Variants in ANK3 observed in about 807,000 individuals in gnomAD.
ANK3 encodes ankyrin 3.
A neutral mutation model predicts 370.9 loss-of-function variants in ANK3; 57 were observed. The ratio of observed to expected loss-of-function variants is 0.15; its 90% confidence interval spans 0.12 to 0.19. The LOEUF is 0.19. Ranked by LOEUF, ANK3 falls within the 10% of genes least tolerant of loss-of-function variation. The pLI, the probability that ANK3 is intolerant of heterozygous loss-of-function variation, is 1.00. For synonymous variants in ANK3, 1,929 were observed against 1,946.3 expected (o/e 0.99, Z 0.23); for missense variants, 4,439 against 5,302.1 (o/e 0.84, Z 5.06).
chr10:60,053,308 GGAA>G (rs1172157214), intron 42 of ANK3, among the ~76,000 whole-genome samples: 1 of 152,140 alleles, frequency 6.6e-6, no homozygotes, highest in Non-Finnish European at 1.5e-5. Flanking sequence ...ATCTGTACAT[GGAA>G]TCATAAGTTG....
chr10:60,481,929 C>T (rs894786877), intron 2 of ANK3, among the ~76,000 whole-genome samples: 2 of 152,174 alleles, frequency 1.3e-5, no homozygotes, highest in African/African-American at 2.4e-5. Context: ...AGTACACACT[C>T]CCTGAGCGAT....
At chr10:60,081,737 A>G (rs550853195) in intron 35 of ANK3, 15 of 290,996 alleles carry the variant, frequency 5.2e-5, no homozygotes, top group Non-Finnish European at 8.8e-5. Context: ...CAAAATGTCT[A>G]TTTGGCGGGT....
chr10:60,213,980 A>G (rs956776860), intron 8 of ANK3, among the ~76,000 whole-genome samples: 4 of 152,034 alleles, frequency 2.6e-5, no homozygotes, highest in Admixed American at 6.6e-5. Context: ...ATGAAATTAT[A>G]TAAGTTTAAA....
intron 42 of ANK3, among the ~76,000 whole-genome samples, chr10:60,045,834 A>C (rs1000861275): frequency 6.6e-6 from 1 of 152,244 alleles, no homozygotes; most frequent in Non-Finnish European, 1.5e-5. Flanking sequence ...CATATGTCAC[A>C]ATCAGTAGAA....
chr10:60,389,816 C>T lies in ANK3; in HGVS notation c.-278G>A. ...GCATTTACCGTAGTGAAGAAGACAG[C>T]TGGGACAGAGGAAGCTGTATTATGG... On this transcript the variant is annotated 5_prime_UTR_variant, in exon 1 of 44. Coordinates refer to ENST00000280772, the MANE Select transcript of ANK3 (RefSeq NM_020987.5). 2 of 1,210,888 alleles carry T rather than the reference C, an allele frequency of 1.7e-6. No individual in the cohort carries two copies. The highest frequency in any genetic ancestry group is 2.1e-6 in the Non-Finnish European group (2 of 970,196). 75.0% of individuals were successfully genotyped at this position (1,210,888 alleles called of 1,614,324 possible).
intron 1 of ANK3, among the ~76,000 whole-genome samples, chr10:60,293,699 A>G (rs1160167746): frequency 6.6e-6 from 1 of 152,194 alleles, no homozygotes; most frequent in Non-Finnish European, 1.5e-5. Context: ...ATAAAATGAA[A>G]CGAGATAGTA....
intron 1 of ANK3, among the ~76,000 whole-genome samples, chr10:60,344,774 A>AT (rs1351048082): frequency 6.6e-6 from 1 of 152,238 alleles, no homozygotes. Context: ...TACTTCACTT[A>AT]TTTTGTAGCC....
At chr10:60,546,452 C>T (rs546554104) in intron 2 of ANK3, among the ~76,000 whole-genome samples, 83 of 152,222 alleles carry the variant, frequency 5.5e-4, no homozygotes, top group Middle Eastern at 3.4e-3. Context: ...GAATTTACAG[C>T]TTATCACTGA....
chr10:60,437,432 AG>A (rs1010417085), intron 2 of ANK3, among the ~76,000 whole-genome samples: 3 of 152,232 alleles, frequency 2.0e-5, no homozygotes, highest in Non-Finnish European at 4.4e-5. Flanking sequence ...GCTGTCATGT[AG>A]GGGAACCCTG....
chr10:60,028,062 TG>T lies in ANK3; in HGVS notation c.*1783del, dbSNP rs564906805. ...TAAAACAAAACAAAAACAAGCTCTG[TG>T]GGCTAAAAGCAACTGCATGTTGATG... On this transcript the variant is annotated 3_prime_UTR_variant, in exon 44 of 44. Transcript: ENST00000280772. 2.2e-4 allele frequency: 33 copies of T among 152,364 alleles called. No individual in the cohort carries two copies. The highest frequency in any genetic ancestry group is 7.2e-4 in the African/African-American group (30 of 41,598). 9.4% of individuals were successfully genotyped at this position (152,364 alleles called of 1,614,324 possible).
chr10:60,072,386 T>G lies in ANK3; in HGVS notation c.8495A>C (p.Asp2832Ala). The change falls in exon 37 of 44, where the codon GAC becomes GCC. Residue 2832 changes from aspartate (D) to alanine (A), a missense_variant. Asp to Ala is a moderately radical substitution (Grantham distance 126). Coordinates refer to ENST00000280772, the MANE Select transcript of ANK3 (RefSeq NM_020987.5). ...PDSFSEQQAKDLACHITSDLA... is the reference protein window; with the variant it reads ...PDSFSEQQAKALACHITSDLA... ...ATCTGAGGTTATATGACATGCCAAG[T>G]CTTTAGCCTGCTGCTCAGAAAAAGA... 6.2e-7 allele frequency: 1 copy of G among 1,614,012 alleles called. No individual in the cohort carries two copies. Among genetic ancestry groups the G allele is most frequent in the Non-Finnish European group, 8.5e-7 (1 of 1,179,990 alleles).
At chr10:60,715,430 G>C (rs1403565046) in intron 1 of ANK3, among the ~76,000 whole-genome samples, 3 of 152,062 alleles carry the variant, frequency 2.0e-5, no homozygotes, top group Non-Finnish European at 4.4e-5. Flanking sequence ...ATATCTGGTG[G>C]TGGGATAAAC....
chr10:60,156,715 C>A (rs1338299401), intron 23 of ANK3, among the ~76,000 whole-genome samples: 1 of 152,148 alleles, frequency 6.6e-6, no homozygotes, highest in Non-Finnish European at 1.5e-5. Context: ...TGCAGCATTC[C>A]GGGGCTTAGG....
intron 23 of ANK3, among the ~76,000 whole-genome samples, chr10:60,158,067 G>C (rs1346572870): frequency 2.2e-4 from 34 of 152,114 alleles, no homozygotes; most frequent in Admixed American, 2.1e-3. Context: ...ACCCAAATAA[G>C]ACTACCTTAA....
intron 30 of ANK3, among the ~76,000 whole-genome samples, chr10:60,085,509 G>T (rs866397486): frequency 6.6e-6 from 1 of 151,888 alleles, no homozygotes; most frequent in South Asian, 2.1e-4. Context: ...ACTAATGAAT[G>T]GCTTAAACTT....
chr10:60,486,608 T>C (rs992118485), intron 2 of ANK3, among the ~76,000 whole-genome samples: 2 of 152,142 alleles, frequency 1.3e-5, no homozygotes, highest in African/African-American at 4.8e-5. Context: ...CCTATGGTTA[T>C]TTGTAACAAA....
intron 4 of ANK3, among the ~76,000 whole-genome samples, chr10:60,271,268 C>T (rs1206381810): frequency 1.3e-5 from 2 of 151,968 alleles, no homozygotes; most frequent in Admixed American, 6.6e-5. Context: ...GCCGGGGTAT[C>T]GTCACAGCTC....
chr10:60,522,882 G>A (rs545581299), intron 2 of ANK3, among the ~76,000 whole-genome samples: 7 of 151,898 alleles, frequency 4.6e-5, no homozygotes, highest in African/African-American at 7.3e-5. Context: ...ACACATACAC[G>A]GACAATCTGA....
At position 60,263,913 on chromosome 10, in the gene ANK3, A is replaced by G. The variant is rs1212554455; in HGVS notation, c.621T>C (p.His207=). The change falls in exon 6 of 44, where the codon CAT becomes CAC. Residue 207 remains histidine (H), a synonymous_variant. Transcript: ENST00000280772. ...TCGTGTCGTCTTTTCGGGCCGCGAT[A>G]TGAAGAGCTGGGAGACGCACTTTTC... is the stretch of plus-strand genomic sequence containing the variant. ...TKGKVRLPAL[H]IAARKDDTKA... 2 of 1,614,108 alleles carry G rather than the reference A, an allele frequency of 1.2e-6. No individual in the cohort carries two copies. Among genetic ancestry groups the G allele is most frequent in the Admixed American group, 3.3e-5 (2 of 60,018 alleles).
Sources: allele counts gnomAD v4.1 joint callset (sites outside exome capture counted in the v4.1 genomes callset), GRCh38; gene constraint gnomAD v4.1.1; transcripts MANE v1.5; gene names NCBI Gene and HGNC (gene_info 2026-07-23, HGNC 2026-07-21).